Variants in CSMD1 observed in about 807,000 individuals in gnomAD.
CSMD1 encodes CUB and Sushi multiple domains 1, also known as CUB and sushi domain-containing protein 1.
Under a neutral mutation model 417.5 loss-of-function variants are expected in CSMD1, and 213 were observed. That is an observed-to-expected ratio of 0.51 (90% CI 0.46 to 0.57). The LOEUF is 0.57. Ranked by LOEUF, CSMD1 falls within the 20% of genes least tolerant of loss-of-function variation. CSMD1 has a pLI of 0.00. For synonymous variants in CSMD1, 2,862 were observed against 1,736.8 expected (o/e 1.65, Z -16.11); for missense variants, 6,923 against 4,529.7 (o/e 1.53, Z -15.17).
chr8:4,484,813 A>G (rs571699785), intron 2 of CSMD1, among the ~76,000 whole-genome samples: 2 of 151,632 alleles, frequency 1.3e-5, no homozygotes, highest in South Asian at 4.2e-4. Context: ...ACTAAAAAAT[A>G]CAAAAAAAAA....
chr8:4,293,637 GAC>G (rs1376383238), intron 3 of CSMD1, among the ~76,000 whole-genome samples: 6 of 152,084 alleles, frequency 3.9e-5, no homozygotes, highest in Non-Finnish European at 8.8e-5. Flanking sequence ...TTGACTGTAA[GAC>G]ACAGCAGTCT....
intron 5 of CSMD1, among the ~76,000 whole-genome samples, chr8:3,756,343 A>C (rs1797657284): frequency 1.9e-5 from 2 of 105,678 alleles, no homozygotes; most frequent in African/African-American, 4.1e-5. Context: ...ACACACTGAG[A>C]CTCCATCTCA....
At chr8:4,279,443 A>G (rs977926441) in intron 3 of CSMD1, among the ~76,000 whole-genome samples, 8 of 152,194 alleles carry the variant, frequency 5.3e-5, no homozygotes, top group African/African-American at 7.2e-5. Context: ...CTTGGATAAG[A>G]TTCCAAGTCC....
intron 9 of CSMD1, among the ~76,000 whole-genome samples, chr8:3,580,667 A>C (rs1007995987): frequency 6.6e-6 from 1 of 152,150 alleles, no homozygotes; most frequent in Non-Finnish European, 1.5e-5. Context: ...AGCAGCAGAA[A>C]TTTCTCCAAA....
chr8:4,351,110 G>C (rs1801066748), intron 3 of CSMD1, among the ~76,000 whole-genome samples: 1 of 151,840 alleles, frequency 6.6e-6, no homozygotes, highest in Non-Finnish European at 1.5e-5. Context: ...CCTGAGCCCA[G>C]GGGTTCGAGA....
chr8:4,861,349 C>A (rs925247037), intron 1 of CSMD1, among the ~76,000 whole-genome samples: 12 of 152,030 alleles, frequency 7.9e-5, no homozygotes, highest in African/African-American at 2.9e-4. Context: ...ACATTTCAGG[C>A]TTTATGGGTT....
intron 3 of CSMD1, among the ~76,000 whole-genome samples, chr8:4,208,314 A>T (rs1800102733): frequency 6.6e-6 from 1 of 152,194 alleles, no homozygotes; most frequent in Non-Finnish European, 1.5e-5. Context: ...ACTGGAGAAG[A>T]AATAAAAGCA....
At chr8:4,478,692 C>G (rs1190323112) in intron 2 of CSMD1, among the ~76,000 whole-genome samples, 1 of 152,140 alleles carries the variant, frequency 6.6e-6, no homozygotes, top group Non-Finnish European at 1.5e-5. Context: ...TGCATGTTAA[C>G]TGGTTACTTG....
chr8:3,510,037 C>A (rs1327797216), intron 10 of CSMD1, among the ~76,000 whole-genome samples: 1 of 152,202 alleles, frequency 6.6e-6, no homozygotes, highest in East Asian at 1.9e-4. Context: ...CACTTCTCCC[C>A]TCTACATCAG....
intron 6 of CSMD1, among the ~76,000 whole-genome samples, chr8:3,745,713 G>A (rs977020938): frequency 1.3e-5 from 2 of 152,208 alleles, no homozygotes; most frequent in Non-Finnish European, 2.9e-5. Flanking sequence ...AACCTCCTCA[G>A]AGTAGATTCC....
chr8:3,961,304 TAAA>T (rs1396732945), intron 5 of CSMD1, among the ~76,000 whole-genome samples: 1 of 152,208 alleles, frequency 6.6e-6, no homozygotes, highest in East Asian at 1.9e-4. Flanking sequence ...TATATGAGCA[TAAA>T]AGTCATCCTT....
At chr8:4,322,424 G>A (rs934269506) in intron 3 of CSMD1, among the ~76,000 whole-genome samples, 1 of 152,006 alleles carries the variant, frequency 6.6e-6, no homozygotes, top group African/African-American at 2.4e-5. Flanking sequence ...GACTACATAT[G>A]GCAGAATATT....
intron 1 of CSMD1, among the ~76,000 whole-genome samples, chr8:4,872,137 T>A (rs1802769876): frequency 6.6e-6 from 1 of 152,128 alleles, no homozygotes. Flanking sequence ...CACAACAATG[T>A]ATTGAATATG....
Position 3,522,093 on chromosome 8 carries a change from C to T in CSMD1, c.1345-28367G>A, listed in dbSNP as rs1228288420. Among the ~76,000 whole-genome samples, 8 of 152,150 alleles carry T rather than the reference C, an allele frequency of 5.3e-5. No homozygotes were observed. In the East Asian group the frequency reaches 5.8e-4, roughly 11 times the overall value. On this transcript the variant is annotated intron_variant, in intron 10 of 69. Coordinates refer to ENST00000635120, the MANE Select transcript of CSMD1 (RefSeq NM_033225.6). ...ATATTTGGGATGTTTATCTAAATTGCATTAACTTTTTTTAACCCTCAATTC... is the reference window on the plus strand; with the variant it reads ...ATATTTGGGATGTTTATCTAAATTGTATTAACTTTTTTTAACCCTCAATTC...
chr8:4,571,509 G>A (rs190372630), intron 2 of CSMD1, among the ~76,000 whole-genome samples: 3 of 152,256 alleles, frequency 2.0e-5, no homozygotes, highest in African/African-American at 2.4e-5. Context: ...CTGAGAGACT[G>A]TTTGTTATGA....
Position 4,294,983 on chromosome 8 carries a change from G to C in CSMD1, c.415+124970C>G, listed in dbSNP as rs569399594. Among the ~76,000 whole-genome samples, 8 of 150,054 alleles carry C rather than the reference G, an allele frequency of 5.3e-5. No individual in the cohort carries two copies. In the South Asian group the frequency reaches 1.0e-3, roughly 20 times the overall value. ...GGATATTTTTCTTATATTTTGCCAAGTCACCTGATCTGAACCCAATCTAAG... is the reference window on the plus strand; with the variant it reads ...GGATATTTTTCTTATATTTTGCCAACTCACCTGATCTGAACCCAATCTAAG... On this transcript the variant is annotated intron_variant, in intron 3 of 69. Coordinates refer to ENST00000635120, the MANE Select transcript of CSMD1 (RefSeq NM_033225.6).
intron 12 of CSMD1, among the ~76,000 whole-genome samples, chr8:3,416,042 C>G (rs533015633): frequency 1.3e-5 from 2 of 152,054 alleles, no homozygotes; most frequent in Non-Finnish European, 2.9e-5. Flanking sequence ...CGGCTCACAC[C>G]TGTAATCCTA....
intron 68 of CSMD1, among the ~76,000 whole-genome samples, chr8:2,944,877 C>G (rs1023366112): frequency 6.6e-6 from 1 of 152,068 alleles, no homozygotes; most frequent in Non-Finnish European, 1.5e-5. Flanking sequence ...AAGCTACATA[C>G]TTTTATCCAT....
intron 23 of CSMD1, among the ~76,000 whole-genome samples, chr8:3,335,297 G>A (rs570097657): frequency 5.9e-5 from 9 of 152,314 alleles, no homozygotes; most frequent in African/African-American, 1.9e-4. Context: ...GCCATGAAGA[G>A]CACAGTGACA....
Sources: allele counts gnomAD v4.1 joint callset (sites outside exome capture counted in the v4.1 genomes callset), GRCh38; gene constraint gnomAD v4.1.1; transcripts MANE v1.5; gene names NCBI Gene and HGNC (gene_info 2026-07-23, HGNC 2026-07-21).